Variants in AGMO observed in about 807,000 individuals in gnomAD.
AGMO encodes the protein alkylglycerol monooxygenase, also known as glyceryl-ether monooxygenase.
Under a neutral mutation model 60.2 loss-of-function variants are expected in AGMO, and 75 were observed. That is an observed-to-expected ratio of 1.25 (90% CI 1.03 to 1.51). AGMO has a LOEUF of 1.51. Ranked by LOEUF, AGMO falls within the 40% of genes most tolerant of loss-of-function variation. The probability of loss-of-function intolerance (pLI) is 0.00; values close to 1 mark genes in which losing one functional copy is unlikely to be tolerated. For synonymous variants in AGMO, 261 were observed against 177.1 expected, an observed-to-expected ratio of 1.47 and a Z score of -3.76; for missense variants, 763 against 525.5, an observed-to-expected ratio of 1.45 and a Z score of -4.42.
At position 15,229,600 on chromosome 7, in the gene AGMO, A is replaced by G. The variant is rs192077967; in HGVS notation, c.1264-28241T>C. Among the ~76,000 whole-genome samples, 62 of 149,092 alleles carry G rather than the reference A, an allele frequency of 4.2e-4. No homozygotes were observed. The East Asian group carries it at 0.011, about 28-fold the overall frequency. On this transcript the variant is annotated intron_variant, in intron 12 of 12. Coordinates refer to ENST00000342526, the MANE Select transcript of AGMO (RefSeq NM_001004320.2). ...GGAAAAACGTGAGAACTTTTTGCCA[A>G]CTTCACAAAACTTTCACCCATTTCA...
intron 5 of AGMO, chr7:15,396,006 C>G (rs1784362712): frequency 6.6e-6 from 1 of 152,068 alleles, no homozygotes; most frequent in Admixed American, 6.5e-5. Flanking sequence ...CAGGAGCCAT[C>G]ATCATCATCA....
chr7:15,316,259 A>C (rs1440190072), intron 12 of AGMO, among the ~76,000 whole-genome samples: 1 of 152,192 alleles, frequency 6.6e-6, no homozygotes, highest in East Asian at 1.9e-4. Context: ...AGTATGCATC[A>C]GTCCCCCATA....
At chr7:15,456,585 T>G (rs1782004816) in intron 3 of AGMO, among the ~76,000 whole-genome samples, 1 of 152,150 alleles carries the variant, frequency 6.6e-6, no homozygotes, top group Admixed American at 6.6e-5. Context: ...GAGAGCAAGA[T>G]TTCATTCTTC....
intron 3 of AGMO, among the ~76,000 whole-genome samples, chr7:15,517,536 C>T (rs544588855): frequency 1.6e-4 from 24 of 151,468 alleles, no homozygotes; most frequent in Non-Finnish European, 2.9e-4. Context: ...CAGGGTGGGG[C>T]ATCGCCTCAC....
the AGMO span, among the ~76,000 whole-genome samples, chr7:15,154,392 A>C: frequency 6.6e-6 from 1 of 152,158 alleles, no homozygotes; most frequent in South Asian, 2.1e-4. Context: ...GATGACACAA[A>C]CAAATGAAAA....
chr7:15,158,855 A>C, the AGMO span, among the ~76,000 whole-genome samples: 1 of 152,196 alleles, frequency 6.6e-6, no homozygotes, highest in Non-Finnish European at 1.5e-5. Flanking sequence ...CAAAAAAAAT[A>C]AAGATAAAAA....
At chr7:15,373,949 C>A (rs4472413) in intron 10 of AGMO, among the ~76,000 whole-genome samples, 62,476 of 151,974 alleles carry the variant, frequency 0.41, 13,303 homozygotes, top group East Asian at 0.7. Flanking sequence ...ACAATCTCTG[C>A]TGTGAAGGCA....
At chr7:15,134,231 T>C in the AGMO span, among the ~76,000 whole-genome samples, 1 of 152,134 alleles carries the variant, frequency 6.6e-6, no homozygotes, top group Admixed American at 6.6e-5. Context: ...GGCATGATTT[T>C]GGCTCACTGC....
chr7:15,508,136 T>C (rs1235641548), intron 3 of AGMO, among the ~76,000 whole-genome samples: 3 of 152,020 alleles, frequency 2.0e-5, no homozygotes, highest in African/African-American at 7.2e-5. Context: ...CACGAAATAA[T>C]GCAGGGAAAA....
chr7:15,257,823 C>T (rs1438588973), intron 12 of AGMO, among the ~76,000 whole-genome samples: 1 of 152,158 alleles, frequency 6.6e-6, no homozygotes, highest in Non-Finnish European at 1.5e-5. Context: ...TTTAAAACTT[C>T]TGTGTGCAAC....
the AGMO span, among the ~76,000 whole-genome samples, chr7:15,191,644 C>G: frequency 1.3e-5 from 2 of 152,120 alleles, no homozygotes; most frequent in Non-Finnish European, 2.9e-5. Flanking sequence ...TGAAACTGTT[C>G]AGTGATGAAA....
intron 4 of AGMO, among the ~76,000 whole-genome samples, chr7:15,426,376 C>T (rs1001930148): frequency 1.4e-4 from 21 of 151,988 alleles, no homozygotes; most frequent in Admixed American, 5.2e-4. Flanking sequence ...ACATAAATAA[C>T]AATAATGAAA....
chr7:15,344,108 T>A (rs1781950880), intron 12 of AGMO, among the ~76,000 whole-genome samples: 1 of 152,118 alleles, frequency 6.6e-6, no homozygotes, highest in Admixed American at 6.6e-5. Flanking sequence ...AATCAAGAAT[T>A]TCTTGATTAC....
At chr7:15,242,538 G>C (rs985787163) in intron 12 of AGMO, among the ~76,000 whole-genome samples, 1 of 152,146 alleles carries the variant, frequency 6.6e-6, no homozygotes, top group Non-Finnish European at 1.5e-5. Context: ...TAACTGGTGG[G>C]TGTAAAGATC....
At chr7:15,210,892 T>C (rs1781570694) in intron 12 of AGMO, among the ~76,000 whole-genome samples, 1 of 152,096 alleles carries the variant, frequency 6.6e-6, no homozygotes, top group Non-Finnish European at 1.5e-5. Context: ...TTTCAAGTTG[T>C]TTATGAAAAC....
At chr7:15,378,211 A>G (rs1200504572) in intron 10 of AGMO, among the ~76,000 whole-genome samples, 1 of 152,038 alleles carries the variant, frequency 6.6e-6, no homozygotes, top group East Asian at 1.9e-4. Flanking sequence ...ATTTTAAAAA[A>G]TTATATTTGG....
At chr7:15,204,076 G>C (rs1309467986) in intron 12 of AGMO, among the ~76,000 whole-genome samples, 2 of 152,034 alleles carry the variant, frequency 1.3e-5, no homozygotes, top group Non-Finnish European at 2.9e-5. Flanking sequence ...ATGTGACTCT[G>C]AAATATTCAC....
At chr7:15,439,847 A>G (rs1428047435) in intron 3 of AGMO, among the ~76,000 whole-genome samples, 4 of 152,146 alleles carry the variant, frequency 2.6e-5, no homozygotes, top group African/African-American at 9.7e-5. Flanking sequence ...GAAGAGCAAG[A>G]ACTTTTGAAC....
At chr7:15,227,314 A>G (rs753983513) in intron 12 of AGMO, among the ~76,000 whole-genome samples, 6 of 152,016 alleles carry the variant, frequency 3.9e-5, no homozygotes, top group Admixed American at 2.0e-4. Context: ...CCTACTGATC[A>G]ACCATGTCCA....
Sources: gnomAD v4.1 joint callset for allele counts (sites outside exome capture counted in the v4.1 genomes callset) on GRCh38, gnomAD v4.1.1 for gene constraint, MANE v1.5 for transcripts, NCBI Gene and HGNC (gene_info 2026-07-23, HGNC 2026-07-21) for gene names.